The following ZDHHC22 variants were observed in gnomAD, a reference collection of about 807,000 sequenced individuals.
ZDHHC22 encodes the protein palmitoyltransferase ZDHHC22.
In ZDHHC22, 13 loss-of-function variants were observed where a neutral mutation model predicts 17.0. That is an observed-to-expected ratio of 0.76 (90% CI 0.50 to 1.21). The LOEUF is 1.21. Ranked by LOEUF, ZDHHC22 falls within the 50% of genes most tolerant of loss-of-function variation. The pLI is 0.00. For missense variants in ZDHHC22, 319 were observed against 342.3 expected (o/e 0.93, Z 0.54); for synonymous variants, 138 against 154.7 (o/e 0.89, Z 0.80).
Position 77,133,690 on chromosome 14 carries a change from T to A in ZDHHC22, c.785A>T (p.Asp262Val), listed in dbSNP as rs780740118. 6.2e-7 allele frequency: 1 copy of A among 1,613,202 alleles called. No individual in the cohort carries two copies. Among genetic ancestry groups the A allele is most frequent in the Non-Finnish European group, 8.5e-7 (1 of 1,179,494 alleles). Residue 262 changes from aspartate to valine, a missense_variant, in exon 3 of 3, where the codon GAT becomes GTT. Physicochemically the swap from Asp to Val is radical, Grantham distance 152. Transcript: ENST00000319374. ...AAATGACGGGAGTGTCTACTACTTA[T>A]CCTGCTGCTTGGAGCTCTCACTTCC... ...NVGSESSKQQ[D>V]K
chr14:77,134,062 C>T lies in ZDHHC22; in HGVS notation c.527-114G>A, dbSNP rs539732774. The T allele has an allele frequency of 1.4e-5, 18 of 1,298,416 alleles. No homozygotes were observed. In the South Asian group the frequency reaches 2.6e-4, roughly 19 times the overall value. 80.4% of individuals were successfully genotyped at this position (1,298,416 alleles called of 1,614,324 possible). ...GGGAGGGAGATTAATGAGATTGACG[C>T]TACATTTTGTAGCAACCTCAGCGCT... is the stretch of plus-strand genomic sequence containing the variant. On this transcript the variant is annotated intron_variant, in intron 2 of 2. Transcript: ENST00000319374.
Position 77,139,731 on chromosome 14 carries a change from G to A in ZDHHC22, c.8C>T (p.Ala3Val), listed in dbSNP as rs758965798. The change falls in exon 2 of 3, where the codon GCC (alanine) becomes GTC (valine). Residue 3 changes from alanine to valine, a missense_variant. Physicochemically the swap from Ala to Val is moderately conservative, Grantham distance 64. Transcript: ENST00000319374. ML[A>V]LRLLNVVAPA... ...GGCCACCACGTTGAGCAGCCGCAGG[G>A]CCAGCATCCTCGATTACATTCCTGC... is the stretch of plus-strand genomic sequence containing the variant. 1.1e-5 allele frequency: 16 copies of A among 1,502,146 alleles called. No homozygotes were observed. The highest frequency in any genetic ancestry group is 1.3e-5 in the Non-Finnish European group (15 of 1,126,262). The allele number at this position is 1,502,146 out of a possible 1,614,324, so 93.1% of individuals were successfully genotyped here.
rs1451903159 is a variant in ZDHHC22 at position 77,139,565 on chromosome 14, C to G, written c.174G>C (p.Ser58=). ...LLHGALFLFL[S]ANALGNYVLV... ...GGACGTAATTGCCCAGGGCGTTGGC[C>G]GAGAGGAATAGGAAGAGCGCCCCGT... Residue 58 remains serine (S), a synonymous_variant, in exon 2 of 3, where the codon TCG becomes TCC. Coordinates refer to ENST00000319374, the MANE Select transcript of ZDHHC22 (RefSeq NM_174976.2). 2 of 1,602,130 alleles carry G rather than the reference C, an allele frequency of 1.2e-6. No individual in the cohort carries two copies. Among genetic ancestry groups the G allele is most frequent in the Non-Finnish European group, 8.5e-7 (1 of 1,174,158 alleles).
At chr14:77,138,724 T>C (rs1008309740) in intron 2 of ZDHHC22, among the ~76,000 whole-genome samples, 1 of 152,050 alleles carries the variant, frequency 6.6e-6, no homozygotes, top group Non-Finnish European at 1.5e-5. Flanking sequence ...ATTACTGCAA[T>C]TGGTTGGTGA....
At chr14:77,134,396 T>C (rs1241888353) in intron 2 of ZDHHC22, among the ~76,000 whole-genome samples, 3 of 152,176 alleles carry the variant, frequency 2.0e-5, no homozygotes, top group African/African-American at 7.2e-5. Flanking sequence ...CCTGGGCAGC[T>C]GTCTAGTCCA....
chr14:77,133,440 G>A lies in ZDHHC22; in HGVS notation c.*243C>T, dbSNP rs1887071289. On this transcript the variant is annotated 3_prime_UTR_variant, in exon 3 of 3. Transcript: ENST00000319374. The stretch of plus-strand genomic sequence containing the variant: ...AGGGGACGGAAAGAAAGCAGAGGCA[G>A]CCTAACAGCTAGCAGCCACCTGGCT... The A allele has an allele frequency of 1.9e-6, 1 of 515,066 alleles. No homozygotes were observed. Among genetic ancestry groups the A allele is most frequent in the Non-Finnish European group, 3.4e-6 (1 of 297,622 alleles). 31.9% of individuals were successfully genotyped at this position (515,066 alleles called of 1,614,324 possible). A position where few individuals can be genotyped will look rare whatever the true frequency, so the allele number is the denominator to read the frequency against.
intron 2 of ZDHHC22, among the ~76,000 whole-genome samples, chr14:77,135,974 T>G (rs1220650083): frequency 6.6e-6 from 1 of 152,244 alleles, no homozygotes; most frequent in African/African-American, 2.4e-5. Context: ...ATAATAGTTC[T>G]GCCTCTTTTT....
intron 2 of ZDHHC22, 95 bp from the exon 3 acceptor site, chr14:77,134,043 G>A: frequency 7.3e-7 from 1 of 1,361,114 alleles, no homozygotes; most frequent in African/African-American, 1.5e-5. Context: ...GGGAGGGAGG[G>A]AGATTAATGA....
rs776114115 is a variant in ZDHHC22, at chr14:77,139,266, T to C, written c.473A>G (p.His158Arg). 8.2e-6 allele frequency: 13 copies of C among 1,593,290 alleles called. No homozygotes were observed. The highest frequency in any genetic ancestry group is 1.1e-5 in the Non-Finnish European group (13 of 1,170,418). ...ISAVLSISFA[H>R]PLAFLTLLPT... ...CAGGAGCGTGAGGAAGGCCAAGGGG[T>C]GGGCGAAGGAGATGGAAAGGACAGC... is the stretch of plus-strand genomic sequence containing the variant. The change falls in exon 2 of 3, where the codon CAC becomes CGC. Residue 158 changes from histidine to arginine, a missense_variant. Physicochemically the swap from His to Arg is conservative, Grantham distance 29. Coordinates refer to ENST00000319374, the MANE Select transcript of ZDHHC22 (RefSeq NM_174976.2).
In ZDHHC22 at chr14:77,133,952, C is replaced by T; in HGVS notation, c.527-4G>A. 1 of 1,564,168 alleles carries T rather than the reference C, an allele frequency of 6.4e-7. No individual in the cohort carries two copies. The highest frequency in any genetic ancestry group is 8.7e-7 in the Non-Finnish European group (1 of 1,154,398). The stretch of plus-strand genomic sequence containing the variant: ...ATTTCAGAACCCAGGACAGCTCCTG[C>T]AGGGCACGGGGAGGGGAAACACCAG... On this transcript the variant is annotated splice_polypyrimidine_tract_variant and splice_region_variant and intron_variant, in intron 2 of 2. Coordinates refer to ENST00000319374, the MANE Select transcript of ZDHHC22 (RefSeq NM_174976.2).
chr14:77,131,418 C>G lies in ZDHHC22; in HGVS notation c.*2265G>C, dbSNP rs1450176275. 6.6e-6 allele frequency: 1 copy of G among 152,232 alleles called. No homozygotes were observed. The highest frequency in any genetic ancestry group is 1.5e-5 in the Non-Finnish European group (1 of 68,048). 9.4% of individuals were successfully genotyped at this position (152,232 alleles called of 1,614,324 possible). ...CAAGCAGCCAACATCCTGTAGGTCTCCCTGTTGCCCTTCCCCAGGATGTCA... is the reference window on the plus strand; with the variant it reads ...CAAGCAGCCAACATCCTGTAGGTCTGCCTGTTGCCCTTCCCCAGGATGTCA... On this transcript the variant is annotated 3_prime_UTR_variant, in exon 3 of 3. Transcript: ENST00000319374.
Position 77,132,631 on chromosome 14 carries a change from TG to T in ZDHHC22, c.*1051del, listed in dbSNP as rs1158425772. ...GACTCTGCTGGAATACCTCCAGTGA[TG>T]GGGCACTCACTACCTTCACAGGCAG... On this transcript the variant is annotated 3_prime_UTR_variant, in exon 3 of 3. Transcript: ENST00000319374. 1 of 152,224 alleles carries T rather than the reference TG, an allele frequency of 6.6e-6. No homozygotes were observed. The highest frequency in any genetic ancestry group is 1.5e-5 in the Non-Finnish European group (1 of 68,082). The allele number at this position is 152,224 out of a possible 1,614,324, so 9.4% of individuals were successfully genotyped here.
At position 77,139,558 on chromosome 14, in the gene ZDHHC22, C is replaced by G. The variant is rs774331150; in HGVS notation, c.181G>C (p.Ala61Pro). 4.4e-6 allele frequency: 7 copies of G among 1,603,910 alleles called. No individual in the cohort carries two copies. The South Asian group carries it at 7.8e-5, about 18-fold the overall frequency. ...ATGACAAGGACGTAATTGCCCAGGG[C>G]GTTGGCCGAGAGGAATAGGAAGAGC... ...GALFLFLSAN[A>P]LGNYVLVIQN... Residue 61 changes from alanine to proline, a missense_variant, in exon 2 of 3, where the codon GCC becomes CCC. Ala to Pro is a conservative substitution (Grantham distance 27). Transcript: ENST00000319374.
rs1887048857 is a variant in ZDHHC22, at chr14:77,132,603, C to A, written c.*1080G>T. 1 of 152,176 alleles carries A rather than the reference C, an allele frequency of 6.6e-6. No homozygotes were observed. The highest frequency in any genetic ancestry group is 1.5e-5 in the Non-Finnish European group (1 of 68,060). The allele number at this position is 152,176 out of a possible 1,614,324, so 9.4% of individuals were successfully genotyped here. On this transcript the variant is annotated 3_prime_UTR_variant, in exon 3 of 3. Transcript: ENST00000319374. ...CACAGCATGCCTGGCAGACGACTGC[C>A]TAGACTCTGCTGGAATACCTCCAGT...
At chr14:77,137,574 G>T (rs1186481054) in intron 2 of ZDHHC22, among the ~76,000 whole-genome samples, 3 of 112,000 alleles carry the variant, frequency 2.7e-5, no homozygotes, top group African/African-American at 1.1e-4. Flanking sequence ...GGTTATTTTG[G>T]TCCCGGCAGC....
At chr14:77,138,468 G>C (rs938500469) in intron 2 of ZDHHC22, among the ~76,000 whole-genome samples, 1 of 152,136 alleles carries the variant, frequency 6.6e-6, no homozygotes, top group Admixed American at 6.5e-5. Flanking sequence ...TGAGGCAAGA[G>C]AATCACTTGA....
At chr14:77,138,071 A>G (rs74069084) in intron 2 of ZDHHC22, among the ~76,000 whole-genome samples, 5,432 of 152,230 alleles carry the variant, frequency 0.036, 302 homozygotes, top group African/African-American at 0.12. Flanking sequence ...ATACATGCAC[A>G]CTCAAGCACG....
chr14:77,138,584 G>C (rs1016473854), intron 2 of ZDHHC22, among the ~76,000 whole-genome samples: 2 of 151,702 alleles, frequency 1.3e-5, no homozygotes, highest in African/African-American at 4.8e-5. Context: ...CAAAAAACCT[G>C]CCTCTCCCAC....
intron 2 of ZDHHC22, among the ~76,000 whole-genome samples, chr14:77,138,020 A>C (rs1887172232): frequency 6.6e-6 from 1 of 152,182 alleles, no homozygotes; most frequent in South Asian, 2.1e-4. Context: ...GTCCCGTCTG[A>C]GTCTCGGTTT....
Sources: allele counts gnomAD v4.1 joint callset (sites outside exome capture counted in the v4.1 genomes callset), GRCh38; gene constraint gnomAD v4.1.1; transcripts MANE v1.5; gene names NCBI Gene and HGNC (gene_info 2026-07-23, HGNC 2026-07-21).